The following CNBD1 variants were observed in gnomAD, a reference collection of about 807,000 sequenced individuals.
CNBD1 encodes cyclic nucleotide binding domain containing 1, also known as cyclic nucleotide-binding domain-containing protein 1.
A neutral mutation model predicts 54.4 loss-of-function variants in CNBD1; 71 were observed. The ratio of observed to expected loss-of-function variants is 1.30; its 90% CI spans 1.08 to 1.59. The LOEUF (loss-of-function observed/expected upper bound fraction) is 1.59, where lower values mean the gene tolerates loss of function less well. Among genes scored for constraint, CNBD1 ranks in the 40% most tolerant of loss-of-function variants. The pLI, the probability that CNBD1 is intolerant of heterozygous loss-of-function variation, is 0.00. For synonymous variants in CNBD1, 182 were observed against 170.7 expected, an observed-to-expected ratio of 1.07 and a Z score of -0.51; for missense variants, 659 against 518.0, an observed-to-expected ratio of 1.27 and a Z score of -2.64.
chr8:87,255,960 T>C lies in CNBD1; in HGVS notation c.771+18848T>C, dbSNP rs1807999135. 2.5e-5 allele frequency among the ~76,000 whole-genome samples: 3 copies of C among 118,234 alleles called. No homozygotes were observed. In the South Asian group the frequency reaches 8.6e-4, roughly 34 times the overall value. The allele number at this position is 118,234 out of a possible 152,430, so 77.6% of individuals were successfully genotyped here. Reference sequence around the variant, plus strand: ...ATATATATATAAAATACTCATATGATTTGCAGCTACAAATATATATATATA... The same window carrying C: ...ATATATATATAAAATACTCATATGACTTGCAGCTACAAATATATATATATA... On this transcript the variant is annotated intron_variant, in intron 6 of 10. Transcript: ENST00000518476.
intron 8 of CNBD1, among the ~76,000 whole-genome samples, chr8:87,328,577 G>T (rs927812669): frequency 6.6e-6 from 1 of 151,224 alleles, no homozygotes; most frequent in Non-Finnish European, 1.5e-5. Context: ...AGATTGTTTT[G>T]ACTGCTTGGA....
At chr8:87,095,955 G>T (rs1368071980) in intron 4 of CNBD1, among the ~76,000 whole-genome samples, 1 of 152,164 alleles carries the variant, frequency 6.6e-6, no homozygotes, top group Non-Finnish European at 1.5e-5. Context: ...ACAACGCCCG[G>T]CCCTGTTATT....
chr8:87,371,958 A>G (rs1177613575), intron 10 of CNBD1, among the ~76,000 whole-genome samples: 5 of 151,866 alleles, frequency 3.3e-5, no homozygotes, highest in Non-Finnish European at 7.4e-5. Flanking sequence ...CACCACTCCT[A>G]TTCAACATAG....
intron 4 of CNBD1, among the ~76,000 whole-genome samples, chr8:87,203,687 A>G (rs1218709140): frequency 6.6e-6 from 1 of 152,204 alleles, no homozygotes; most frequent in Non-Finnish European, 1.5e-5. Context: ...CTAGTTACGC[A>G]TTTCAAAGTC....
intron 4 of CNBD1, among the ~76,000 whole-genome samples, chr8:86,945,596 T>G (rs887190252): frequency 9.9e-5 from 15 of 152,178 alleles, no homozygotes; most frequent in African/African-American, 3.6e-4. Context: ...TACAGTATTT[T>G]GGAGGAAAAC....
At chr8:87,177,368 A>G (rs1238329891) in intron 4 of CNBD1, among the ~76,000 whole-genome samples, 2 of 152,224 alleles carry the variant, frequency 1.3e-5, no homozygotes, top group Admixed American at 1.3e-4. Flanking sequence ...GTTGAAAACT[A>G]ATTTATAAAA....
intron 4 of CNBD1, among the ~76,000 whole-genome samples, chr8:86,992,404 G>A (rs1325550410): frequency 6.6e-6 from 1 of 151,984 alleles, no homozygotes; most frequent in Non-Finnish European, 1.5e-5. Flanking sequence ...GCAGACAGTT[G>A]GGTCTTATCT....
At chr8:87,249,167 C>T (rs143834440) in intron 6 of CNBD1, among the ~76,000 whole-genome samples, 2 of 152,138 alleles carry the variant, frequency 1.3e-5, no homozygotes, top group East Asian at 1.9e-4. Flanking sequence ...CTCAGCTCCA[C>T]GTCAGATCAT....
rs575209705 is a variant in CNBD1 at position 87,353,997 on chromosome 8, C to G, written c.1303+211C>G. 8.2e-6 allele frequency: 3 copies of G among 365,942 alleles called. No individual in the cohort carries two copies. In the South Asian group the frequency reaches 1.4e-4, roughly 17 times the overall value. The allele number at this position is 365,942 out of a possible 1,614,324, so 22.7% of individuals were successfully genotyped here. On this transcript the variant is annotated intron_variant, in intron 10 of 10. Coordinates refer to ENST00000518476, the MANE Select transcript of CNBD1 (RefSeq NM_173538.3). The stretch of plus-strand genomic sequence containing the variant: ...GTTTGTAGAGTGGGCTGGAAGGGAA[C>G]TTCATTTTCATCATATAGAAAGAGG...
At chr8:87,008,404 T>C (rs558601496) in intron 4 of CNBD1, among the ~76,000 whole-genome samples, 1 of 152,346 alleles carries the variant, frequency 6.6e-6, no homozygotes, top group African/African-American at 2.4e-5. Flanking sequence ...CTCAGATGTT[T>C]TACACAGTAA....
chr8:87,358,733 G>A (rs1810469690), intron 10 of CNBD1, among the ~76,000 whole-genome samples: 1 of 152,170 alleles, frequency 6.6e-6, no homozygotes, highest in Non-Finnish European at 1.5e-5. Flanking sequence ...AGGTCTGAAG[G>A]GGAACTGAGG....
chr8:86,921,974 G>A (rs1375765226), intron 3 of CNBD1, among the ~76,000 whole-genome samples: 1 of 152,040 alleles, frequency 6.6e-6, no homozygotes, highest in East Asian at 1.9e-4. Context: ...TCAGGGCAGG[G>A]GTAGTTGCAT....
At chr8:87,351,652 A>G (rs1303801089) in intron 8 of CNBD1, 33 bp from the exon 9 acceptor site, 2 of 1,443,186 alleles carry the variant, frequency 1.4e-6, no homozygotes, top group Non-Finnish European at 1.8e-6. Flanking sequence ...AAAGACAAGA[A>G]TGTGTGAAAT....
At chr8:87,376,206 AT>A (rs1311338531) in intron 10 of CNBD1, among the ~76,000 whole-genome samples, 2 of 151,762 alleles carry the variant, frequency 1.3e-5, no homozygotes, top group Non-Finnish European at 2.9e-5. Context: ...ACAAACGTTT[AT>A]TTTCCCATAG....
intron 2 of CNBD1, among the ~76,000 whole-genome samples, chr8:87,406,196 G>A (rs904549631): frequency 2.6e-5 from 4 of 151,928 alleles, no homozygotes; most frequent in African/African-American, 9.7e-5. Context: ...AAGCCATTGA[G>A]TCCAATCTTT....
intron 4 of CNBD1, among the ~76,000 whole-genome samples, chr8:87,156,630 A>G (rs1812748735): frequency 6.6e-6 from 1 of 151,968 alleles, no homozygotes; most frequent in Non-Finnish European, 1.5e-5. Flanking sequence ...TATTTTAATT[A>G]TTTTTTACAG....
intron 1 of CNBD1, among the ~76,000 whole-genome samples, chr8:86,875,323 C>T (rs923682152): frequency 5.3e-5 from 8 of 152,088 alleles, no homozygotes; most frequent in African/African-American, 1.7e-4. Flanking sequence ...TGGATGCCCT[C>T]CACACCCTGG....
intron 4 of CNBD1, among the ~76,000 whole-genome samples, chr8:87,122,603 A>T (rs1586271665): frequency 6.6e-6 from 1 of 151,824 alleles, no homozygotes; most frequent in Non-Finnish European, 1.5e-5. Flanking sequence ...AGCCAAAAAA[A>T]CTGTTGCCCA....
Position 87,062,095 on chromosome 8 carries a change from C to T in CNBD1, c.431+122341C>T, listed in dbSNP as rs557121353. ...TGTTGATGGTCAGCAAGTCAGCTCCCGGCAAGTGAAATATTCATTCAAAAT... is the reference window on the plus strand; with the variant it reads ...TGTTGATGGTCAGCAAGTCAGCTCCTGGCAAGTGAAATATTCATTCAAAAT... On this transcript the variant is annotated intron_variant, in intron 4 of 10. Transcript: ENST00000518476. 3.3e-4 allele frequency among the ~76,000 whole-genome samples: 50 copies of T among 152,272 alleles called. 1 individual carries two copies. The South Asian group carries it at 0.01, about 31-fold the overall frequency.
Sources: allele counts gnomAD v4.1 joint callset (sites outside exome capture counted in the v4.1 genomes callset), GRCh38; gene constraint gnomAD v4.1.1; transcripts MANE v1.5; gene names NCBI Gene and HGNC (gene_info 2026-07-23, HGNC 2026-07-21).